Variants in RYR3 observed in about 807,000 individuals in gnomAD.
The protein encoded by RYR3 is ryanodine receptor 3.
Under a neutral mutation model 584.3 loss-of-function variants are expected in RYR3, and 207 were observed. That is an observed-to-expected ratio of 0.35 (90% CI 0.32 to 0.40). RYR3 has a LOEUF of 0.40. RYR3 is among the 10% of genes least tolerant of loss of function. RYR3 has a pLI of 1.00. For synonymous variants in RYR3, 2,416 were observed against 2,248.5 expected, an observed-to-expected ratio of 1.07 and a Z score of -2.11; for missense variants, 5,616 against 6,089.2, an observed-to-expected ratio of 0.92 and a Z score of 2.59.
intron 32 of RYR3, among the ~76,000 whole-genome samples, chr15:33,658,298 A>G (rs1237920093): frequency 6.6e-6 from 1 of 152,206 alleles, no homozygotes; most frequent in Non-Finnish European, 1.5e-5. Context: ...GGCTGCAGCC[A>G]GGGGCCACTC....
In RYR3 at chr15:33,810,501, G is replaced by T; in HGVS notation, c.10049G>T (p.Arg3350Leu). The change falls in exon 71 of 104, where the codon CGG becomes CTG. Residue 3350 changes from arginine to leucine, a missense_variant. By Grantham distance (102) the Arg-to-Leu change is moderately radical. Around this residue, in one of 9 missense-constraint regions of RYR3, gnomAD observed 954 missense variants for 1,132.2 expected, o/e 0.84. Coordinates refer to ENST00000634891, the MANE Select transcript of RYR3 (RefSeq NM_001036.6). ...QVKSGGQDQE[R>L]KKTKRRGDLY... ...TAGTCTGGAGGACAAGACCAGGAGC[G>T]GAAGAAGACAAAGCGGCGGGGAGAC... 6.2e-7 allele frequency: 1 copy of T among 1,613,976 alleles called. No individual in the cohort carries two copies. The highest frequency in any genetic ancestry group is 8.5e-7 in the Non-Finnish European group (1 of 1,179,886).
At chr15:33,849,887 C>G (rs966965334) in intron 94 of RYR3, 2 of 152,220 alleles carry the variant, frequency 1.3e-5, no homozygotes, top group African/African-American at 2.4e-5. Context: ...TCCTCACATC[C>G]TAAGTCTGTC....
chr15:33,669,104 C>T (rs1157726971), intron 36 of RYR3, among the ~76,000 whole-genome samples: 1 of 151,724 alleles, frequency 6.6e-6, no homozygotes, highest in Non-Finnish European at 1.5e-5. Context: ...CAGTAGTTAT[C>T]TCGGGGTGGT....
At chr15:33,443,364 C>T (rs2046380458) in intron 1 of RYR3, among the ~76,000 whole-genome samples, 2 of 151,926 alleles carry the variant, frequency 1.3e-5, no homozygotes, top group African/African-American at 2.4e-5. Context: ...GATCAGTGTG[C>T]CCTGGAACTG....
chr15:33,790,532 A>G (rs995490784), intron 67 of RYR3, among the ~76,000 whole-genome samples: 1 of 152,234 alleles, frequency 6.6e-6, no homozygotes, highest in Non-Finnish European at 1.5e-5. Flanking sequence ...GACTGTGGAT[A>G]CATCAGATTT....
chr15:33,794,147 AAT>A (rs2075389611), intron 67 of RYR3, among the ~76,000 whole-genome samples: 1 of 93,842 alleles, frequency 1.1e-5, no homozygotes, highest in African/African-American at 3.5e-5. Context: ...AATATACATA[AAT>A]ATATAATATA....
intron 1 of RYR3, among the ~76,000 whole-genome samples, chr15:33,428,489 A>C (rs8043532): frequency 0.47 from 72,157 of 151,950 alleles, 17,467 homozygotes; most frequent in East Asian, 0.72. Context: ...GACAGATAAT[A>C]AAAACAAAAT....
At chr15:33,836,519 C>G (rs545697979) in intron 87 of RYR3, among the ~76,000 whole-genome samples, 9 of 152,226 alleles carry the variant, frequency 5.9e-5, no homozygotes, top group Non-Finnish European at 1.2e-4. Context: ...ACCTTGATAC[C>G]TTTACCAGAT....
At chr15:33,642,427 G>A (rs1276624380) in intron 27 of RYR3, among the ~76,000 whole-genome samples, 1 of 152,164 alleles carries the variant, frequency 6.6e-6, no homozygotes. Context: ...ACCTCCCTTA[G>A]TAGAATAACT....
chr15:33,517,640 T>A (rs1209609854), intron 3 of RYR3, among the ~76,000 whole-genome samples: 3 of 152,196 alleles, frequency 2.0e-5, no homozygotes, highest in Non-Finnish European at 4.4e-5. Context: ...CGCAAACCCC[T>A]GCTTTCTTGC....
intron 71 of RYR3, 159 bp from the exon 72 acceptor site, chr15:33,810,819 G>A (rs890235150): frequency 2.5e-5 from 26 of 1,052,068 alleles, no homozygotes; most frequent in East Asian, 5.2e-5. Context: ...TTGGAAGTCC[G>A]TGTGTGCCCT....
At chr15:33,520,513 G>T (rs2053899975) in intron 3 of RYR3, among the ~76,000 whole-genome samples, 1 of 152,096 alleles carries the variant, frequency 6.6e-6, no homozygotes, top group African/African-American at 2.4e-5. Context: ...AACAAATTTG[G>T]CTGACAGGCT....
chr15:33,843,099 C>G (rs2078478924), intron 91 of RYR3, among the ~76,000 whole-genome samples: 1 of 151,858 alleles, frequency 6.6e-6, no homozygotes. Context: ...ATGGGTGGAT[C>G]ACGAGGTCAG....
chr15:33,530,118 T>G (rs543635548), intron 3 of RYR3, among the ~76,000 whole-genome samples: 18 of 152,208 alleles, frequency 1.2e-4, no homozygotes, highest in African/African-American at 3.6e-4. Flanking sequence ...AAGGACCCAT[T>G]TAAGGGAGTG....
chr15:33,632,936 C>T lies in RYR3; in HGVS notation c.2868-13C>T. ...GATCTGTTAAAAATGTATACTTTTA[C>T]ATTTACTTGTAGCTATATGATGTCC... is the stretch of plus-strand genomic sequence containing the variant. On this transcript the variant is annotated splice_polypyrimidine_tract_variant and intron_variant, in intron 23 of 103. Coordinates refer to ENST00000634891, the MANE Select transcript of RYR3 (RefSeq NM_001036.6). The T allele has an allele frequency of 6.2e-7, 1 of 1,601,746 alleles. No homozygotes were observed. Among genetic ancestry groups the T allele is most frequent in the Non-Finnish European group, 8.5e-7 (1 of 1,173,404 alleles).
At chr15:33,741,697 T>C (rs1334379936) in intron 51 of RYR3, among the ~76,000 whole-genome samples, 1 of 152,138 alleles carries the variant, frequency 6.6e-6, no homozygotes, top group African/African-American at 2.4e-5. Context: ...CACTGCAAGC[T>C]CCACCTCCTG....
At chr15:33,387,608 A>T (rs908724526) in intron 1 of RYR3, among the ~76,000 whole-genome samples, 95 of 152,040 alleles carry the variant, frequency 6.2e-4, no homozygotes, top group Admixed American at 6.2e-3. Flanking sequence ...TTTGAAGAAA[A>T]TCTGAAAAAT....
intron 1 of RYR3, chr15:33,467,432 G>A: frequency 2.0e-6 from 2 of 976,398 alleles, no homozygotes; most frequent in Non-Finnish European, 2.4e-6. Flanking sequence ...CCAGCCATCA[G>A]CTCAGAGCCA....
chr15:33,526,349 C>T (rs957465777), intron 3 of RYR3, among the ~76,000 whole-genome samples: 3 of 152,218 alleles, frequency 2.0e-5, no homozygotes, highest in African/African-American at 7.2e-5. Flanking sequence ...GATCCACCCC[C>T]ATCCTGCGAG....
Sources: gnomAD v4.1 joint callset for allele counts (sites outside exome capture counted in the v4.1 genomes callset) on GRCh38, gnomAD v4.1.1 for gene constraint, gnomAD v4.1.1 regional missense constraint, MANE v1.5 for transcripts, NCBI Gene and HGNC (gene_info 2026-07-23, HGNC 2026-07-21) for gene names.